GNG12: variants seen among roughly 807,000 people sequenced by gnomAD.
The protein encoded by GNG12 is G protein subunit gamma 12.
For synonymous variants in GNG12, 28 were observed against 29.7 expected (o/e 0.94, Z 0.19); for missense variants, 69 against 83.8 (o/e 0.82, Z 0.69).
chr1:67,727,184 CTTAT>C (rs1171827965), intron 2 of GNG12, among the ~76,000 whole-genome samples: 8 of 152,188 alleles, frequency 5.3e-5, no homozygotes, highest in African/African-American at 1.9e-4. Context: ...TATTTACTTA[CTTAT>C]TTAATTGCAA....
At chr1:67,757,032 C>G (rs1381161846) in intron 2 of GNG12, among the ~76,000 whole-genome samples, 1 of 152,168 alleles carries the variant, frequency 6.6e-6, no homozygotes. Flanking sequence ...ATCCCTTATT[C>G]AAAATGCTTG....
chr1:67,748,928 AT>A (rs1646522795), intron 2 of GNG12, among the ~76,000 whole-genome samples: 1 of 152,086 alleles, frequency 6.6e-6, no homozygotes, highest in Non-Finnish European at 1.5e-5. Flanking sequence ...GAAGTCCAGA[AT>A]AGCCTCTCCC....
intron 1 of GNG12, among the ~76,000 whole-genome samples, chr1:67,798,804 A>T (rs1365150723): frequency 1.3e-5 from 2 of 152,124 alleles, no homozygotes; most frequent in African/African-American, 4.8e-5. Flanking sequence ...AATACAAAAA[A>T]TTAGCTGGGT....
chr1:67,737,213 T>C (rs531652449), intron 2 of GNG12, among the ~76,000 whole-genome samples: 1 of 152,378 alleles, frequency 6.6e-6, no homozygotes, highest in Admixed American at 6.5e-5. Flanking sequence ...CTACTTAGTC[T>C]TTTGCATTGC....
intron 2 of GNG12, among the ~76,000 whole-genome samples, chr1:67,774,921 A>AT (rs575160566): frequency 2.5e-3 from 375 of 152,238 alleles, no homozygotes; most frequent in African/African-American, 8.8e-3. Flanking sequence ...TGAAAAGGAG[A>AT]TTTTTTCTTG....
At chr1:67,715,645 C>T (rs1396438924) in intron 2 of GNG12, among the ~76,000 whole-genome samples, 1 of 152,164 alleles carries the variant, frequency 6.6e-6, no homozygotes, top group South Asian at 2.1e-4. Context: ...CACCCGTGGG[C>T]AGTTCTGCAG....
intron 1 of GNG12, among the ~76,000 whole-genome samples, chr1:67,810,107 G>T (rs1023321735): frequency 6.6e-6 from 1 of 152,100 alleles, no homozygotes; most frequent in African/African-American, 2.4e-5. Flanking sequence ...GAGCTATCAA[G>T]CCATTAAAAG....
chr1:67,703,108 T>C lies in GNG12; in HGVS notation c.*2343A>G, dbSNP rs1001857717. Reference sequence around the variant, plus strand: ...AGTAAATCAACATTTAGCTACAACTTTTCCTCTCTTGGGTCCAGCATCAAA... The same window carrying C: ...AGTAAATCAACATTTAGCTACAACTCTTCCTCTCTTGGGTCCAGCATCAAA... On this transcript the variant is annotated 3_prime_UTR_variant, in exon 4 of 4. Transcript: ENST00000370982. 1.3e-5 allele frequency: 2 copies of C among 152,172 alleles called. No individual in the cohort carries two copies. Among genetic ancestry groups the C allele is most frequent in the African/African-American group, 4.8e-5 (2 of 41,440 alleles). The allele number at this position is 152,172 out of a possible 1,614,324, so 9.4% of individuals were successfully genotyped here.
chr1:67,773,637 T>C (rs571774496), intron 2 of GNG12, among the ~76,000 whole-genome samples: 3 of 152,176 alleles, frequency 2.0e-5, no homozygotes, highest in Non-Finnish European at 4.4e-5. Context: ...AGGGTCAATG[T>C]AAATTCTGTG....
At chr1:67,788,620 C>T (rs1557618092) in intron 1 of GNG12, among the ~76,000 whole-genome samples, 1 of 152,138 alleles carries the variant, frequency 6.6e-6, no homozygotes, top group Non-Finnish European at 1.5e-5. Context: ...GGATTTAAGG[C>T]ATGAACCACT....
At chr1:67,824,550 ATCTTGTAGGGAAT>A (rs1391744827) in intron 1 of GNG12, among the ~76,000 whole-genome samples, 5 of 151,924 alleles carry the variant, frequency 3.3e-5, no homozygotes, top group Non-Finnish European at 5.9e-5. Flanking sequence ...AAGAAAAGAA[ATCTTGTAGGGAAT>A]TCTTGTAAGA....
At position 67,833,413 on chromosome 1, in the gene GNG12, C is replaced by T. The variant is rs1014092569; in HGVS notation, c.-146G>A. ...CTCTAAGGGCTCCTGGAGACGGCTC[C>T]GACCTCTCCTCCTCCTCCTCCTCTT... On this transcript the variant is annotated 5_prime_UTR_variant, in exon 1 of 4. Transcript: ENST00000370982. The T allele has an allele frequency of 3.4e-4, 333 of 985,318 alleles. No homozygotes were observed. The highest frequency in any genetic ancestry group is 3.8e-4 in the Non-Finnish European group (318 of 830,196). The allele number at this position is 985,318 out of a possible 1,614,324, so 61.0% of individuals were successfully genotyped here.
chr1:67,827,101 G>A (rs566082758), intron 1 of GNG12, among the ~76,000 whole-genome samples: 8 of 152,242 alleles, frequency 5.3e-5, no homozygotes, highest in Non-Finnish European at 1.0e-4. Context: ...GATGGCAACT[G>A]ATTCAGACTT....
intron 1 of GNG12, among the ~76,000 whole-genome samples, chr1:67,799,429 G>A (rs1256636950): frequency 6.6e-6 from 1 of 152,128 alleles, no homozygotes; most frequent in Non-Finnish European, 1.5e-5. Flanking sequence ...GCAGAGCATT[G>A]TATAGTATTC....
At chr1:67,803,133 C>T (rs1420552987) in intron 1 of GNG12, among the ~76,000 whole-genome samples, 1 of 152,198 alleles carries the variant, frequency 6.6e-6, no homozygotes, top group East Asian at 1.9e-4. Context: ...TCTTAGATTA[C>T]ATTGGTCTAT....
intron 1 of GNG12, among the ~76,000 whole-genome samples, chr1:67,807,188 A>C (rs187380459): frequency 6.6e-6 from 1 of 152,184 alleles, no homozygotes; most frequent in African/African-American, 2.4e-5. Context: ...TCTATAAAAT[A>C]CATGAGTCAA....
At position 67,771,265 on chromosome 1, in the gene GNG12, C is replaced by T. The variant is rs376201825; in HGVS notation, c.-27+6193G>A. 1.3e-4 allele frequency among the ~76,000 whole-genome samples: 20 copies of T among 152,360 alleles called. No homozygotes were observed. In the East Asian group the frequency reaches 2.5e-3, roughly 19 times the overall value. ...ACCTTTGCTAAGTCCTGACTAAGTGCCAGGCACTGGGCCATGGACTTCACA... is the reference window on the plus strand; with the variant it reads ...ACCTTTGCTAAGTCCTGACTAAGTGTCAGGCACTGGGCCATGGACTTCACA... On this transcript the variant is annotated intron_variant, in intron 2 of 3. Transcript: ENST00000370982.
chr1:67,787,020 T>C (rs1646773473), intron 1 of GNG12, among the ~76,000 whole-genome samples: 1 of 134,400 alleles, frequency 7.4e-6, no homozygotes, highest in East Asian at 2.2e-4. Flanking sequence ...TGTGTGTGTA[T>C]ATATGTATGT....
intron 2 of GNG12, among the ~76,000 whole-genome samples, chr1:67,769,957 G>A (rs755081670): frequency 6.6e-6 from 1 of 152,126 alleles, no homozygotes; most frequent in Non-Finnish European, 1.5e-5. Context: ...AATCTGAATG[G>A]GATGATATGG....
Sources: gnomAD v4.1 joint callset for allele counts (sites outside exome capture counted in the v4.1 genomes callset) on GRCh38, gnomAD v4.1.1 for gene constraint, MANE v1.5 for transcripts, NCBI Gene and HGNC (gene_info 2026-07-23, HGNC 2026-07-21) for gene names.